CCBE1: variants seen among roughly 807,000 people sequenced by gnomAD.
CCBE1 encodes collagen and calcium binding EGF domains 1, also known as collagen and calcium-binding EGF domain-containing protein 1.
In CCBE1, 37 loss-of-function variants were observed where a neutral mutation model predicts 50.0. That is an observed-to-expected ratio of 0.74 (90% CI 0.57 to 0.97). CCBE1 has a LOEUF of 0.97. Among genes scored for constraint, CCBE1 ranks in the 50% least tolerant of loss-of-function variants. CCBE1 has a pLI of 0.00. For synonymous variants in CCBE1, 234 were observed against 203.7 expected (o/e 1.15, Z -1.27); for missense variants, 538 against 523.8 (o/e 1.03, Z -0.26).
intron 2 of CCBE1, among the ~76,000 whole-genome samples, chr18:59,640,240 G>A (rs1220057097): frequency 6.6e-6 from 1 of 152,074 alleles, no homozygotes; most frequent in Non-Finnish European, 1.5e-5. Context: ...CAAACTATTA[G>A]GTTACAGCAA....
chr18:59,659,424 T>C (rs1219505598), intron 2 of CCBE1, among the ~76,000 whole-genome samples: 1 of 152,146 alleles, frequency 6.6e-6, no homozygotes, highest in African/African-American at 2.4e-5. Flanking sequence ...GCTTTATGCA[T>C]TCTCTCGGGC....
chr18:59,488,125 T>A (rs1248090635), intron 2 of CCBE1, among the ~76,000 whole-genome samples: 1 of 152,102 alleles, frequency 6.6e-6, no homozygotes, highest in Non-Finnish European at 1.5e-5. Context: ...TTATACGAGG[T>A]ACCTAGAGTA....
At chr18:59,553,136 C>G (rs536859326) in intron 2 of CCBE1, among the ~76,000 whole-genome samples, 1 of 152,316 alleles carries the variant, frequency 6.6e-6, no homozygotes, top group African/African-American at 2.4e-5. Flanking sequence ...ATCATTAGGA[C>G]AGCAAACCTC....
chr18:59,668,819 C>CTTT (rs34632549), intron 2 of CCBE1, among the ~76,000 whole-genome samples: 5,265 of 99,080 alleles, frequency 0.053, 339 homozygotes, highest in African/African-American at 0.098. Context: ...TTCCATAAGT[C>CTTT]TTTTTTTTTT....
intron 2 of CCBE1, among the ~76,000 whole-genome samples, chr18:59,554,812 C>T (rs1394544485): frequency 4.6e-5 from 7 of 152,170 alleles, no homozygotes; most frequent in South Asian, 2.1e-4. Context: ...AGGACAACCC[C>T]GTGGAGACAA....
intron 2 of CCBE1, among the ~76,000 whole-genome samples, chr18:59,514,986 G>T (rs148443491): frequency 1.9e-3 from 283 of 152,290 alleles, no homozygotes; most frequent in African/African-American, 6.5e-3. Flanking sequence ...AAGCTGAGAA[G>T]CAGGAAGCTC....
chr18:59,510,887 G>A (rs940269124), intron 2 of CCBE1, among the ~76,000 whole-genome samples: 1 of 152,142 alleles, frequency 6.6e-6, no homozygotes, highest in Admixed American at 6.5e-5. Flanking sequence ...TGATTCTCCT[G>A]AATCTCTCTT....
chr18:59,488,179 A>T (rs752201906), intron 2 of CCBE1, among the ~76,000 whole-genome samples: 7 of 152,226 alleles, frequency 4.6e-5, no homozygotes, highest in African/African-American at 1.2e-4. Flanking sequence ...GTTGCCAGGG[A>T]CTGTAAAGAC....
At chr18:59,517,269 T>C (rs1041436112) in intron 2 of CCBE1, among the ~76,000 whole-genome samples, 2 of 152,228 alleles carry the variant, frequency 1.3e-5, no homozygotes, top group African/African-American at 2.4e-5. Flanking sequence ...GATTCACCCA[T>C]GAACAAGTTG....
chr18:59,605,662 T>C (rs1378156094), intron 2 of CCBE1, among the ~76,000 whole-genome samples: 1 of 152,156 alleles, frequency 6.6e-6, no homozygotes, highest in African/African-American at 2.4e-5. Context: ...AAAGCCTAGA[T>C]GGCTACCCAC....
chr18:59,628,034 G>A (rs8083597), intron 2 of CCBE1, among the ~76,000 whole-genome samples: 2,240 of 152,196 alleles, frequency 0.015, 60 homozygotes, highest in African/African-American at 0.052. Flanking sequence ...GCAACATAAC[G>A]ACACCCCGTC....
chr18:59,565,650 G>A (rs1461947145), intron 2 of CCBE1, among the ~76,000 whole-genome samples: 1 of 152,080 alleles, frequency 6.6e-6, no homozygotes, highest in Non-Finnish European at 1.5e-5. Context: ...TCAAGATGGC[G>A]ACAGCAAAGC....
chr18:59,665,959 G>A (rs2054349357), intron 2 of CCBE1: 1 of 152,212 alleles, frequency 6.6e-6, no homozygotes, highest in South Asian at 2.1e-4. Flanking sequence ...TGGGAACAGG[G>A]AGTGAATGAT....
intron 2 of CCBE1, among the ~76,000 whole-genome samples, chr18:59,643,306 G>A (rs577109283): frequency 6.6e-6 from 1 of 152,232 alleles, no homozygotes; most frequent in East Asian, 1.9e-4. Context: ...AGCCACCATC[G>A]ACACTATTTG....
rs533513748 is a variant in CCBE1 at position 59,620,556 on chromosome 18, C to T, written c.212+76073G>A. ...TCCCCACCCAAATTCCATCTTGAAT[C>T]ATAGCTCCCACAATTCCCATGTGTT... is the stretch of plus-strand genomic sequence containing the variant. On this transcript the variant is annotated intron_variant, in intron 2 of 10. Transcript: ENST00000439986. 2.6e-5 allele frequency among the ~76,000 whole-genome samples: 4 copies of T among 152,282 alleles called. No homozygotes were observed. In the South Asian group the frequency reaches 8.3e-4, roughly 32 times the overall value.
chr18:59,664,555 A>G (rs2054326855), intron 2 of CCBE1, among the ~76,000 whole-genome samples: 1 of 152,182 alleles, frequency 6.6e-6, no homozygotes, highest in South Asian at 2.1e-4. Context: ...CCTACTACAC[A>G]TACACATTAA....
At chr18:59,552,242 T>C (rs1211959021) in intron 2 of CCBE1, among the ~76,000 whole-genome samples, 2 of 152,172 alleles carry the variant, frequency 1.3e-5, no homozygotes, top group South Asian at 4.1e-4. Context: ...ATTCTACCAG[T>C]CAATGAAAGC....
intron 2 of CCBE1, among the ~76,000 whole-genome samples, chr18:59,602,559 A>G (rs1443312533): frequency 1.3e-5 from 2 of 152,392 alleles, no homozygotes; most frequent in East Asian, 1.9e-4. Context: ...CAGAAAATAC[A>G]TATAATACAA....
chr18:59,592,913 TAAA>T (rs955768751), intron 2 of CCBE1, among the ~76,000 whole-genome samples: 1 of 148,756 alleles, frequency 6.7e-6, no homozygotes. Context: ...GGTTTAAAAA[TAAA>T]AAAAAAGGAA....
Sources: allele counts gnomAD v4.1 joint callset (sites outside exome capture counted in the v4.1 genomes callset), GRCh38; gene constraint gnomAD v4.1.1; transcripts MANE v1.5; gene names NCBI Gene and HGNC (gene_info 2026-07-23, HGNC 2026-07-21).